ARNT: variants seen among roughly 807,000 people sequenced by gnomAD.
ARNT encodes the protein aryl hydrocarbon receptor nuclear translocator, also known as class E basic helix-loop-helix protein 2.
A neutral mutation model predicts 105.0 loss-of-function variants in ARNT; 30 were observed. The observed-to-expected ratio is 0.29, with a 90% CI of 0.21 to 0.39. The LOEUF (loss-of-function observed/expected upper bound fraction) is 0.39. Among genes scored for constraint, ARNT ranks in the 10% least tolerant of loss-of-function variants. The probability of loss-of-function intolerance (pLI) is 1.00; values close to 1 mark genes in which losing one functional copy is unlikely to be tolerated. For missense variants in ARNT, 748 were observed against 978.7 expected, an observed-to-expected ratio of 0.76 and a Z score of 3.15; for synonymous variants, 304 against 344.0, an observed-to-expected ratio of 0.88 and a Z score of 1.29.
chr1:150,819,040 C>G (rs1467469945), intron 14 of ARNT, among the ~76,000 whole-genome samples: 1 of 151,964 alleles, frequency 6.6e-6, no homozygotes, highest in Non-Finnish European at 1.5e-5. Flanking sequence ...AGTTAGTTAG[C>G]AAAGAATTAA....
At chr1:150,846,796 C>A (rs1324755851) in intron 3 of ARNT, among the ~76,000 whole-genome samples, 1 of 152,146 alleles carries the variant, frequency 6.6e-6, no homozygotes, top group Non-Finnish European at 1.5e-5. Flanking sequence ...CAACCCCTAG[C>A]AACCACCATT....
chr1:150,870,933 G>A (rs920076531), intron 1 of ARNT, among the ~76,000 whole-genome samples: 33 of 151,934 alleles, frequency 2.2e-4, no homozygotes, highest in Non-Finnish European at 4.1e-4. Flanking sequence ...CTGGGAGGCC[G>A]AGGCAGGAGG....
chr1:150,854,321 GC>G lies in ARNT; in HGVS notation c.138-1516del, dbSNP rs1005455600. Among the ~76,000 whole-genome samples, 72 of 152,136 alleles carry G rather than the reference GC, an allele frequency of 4.7e-4. 1 individual carries two copies. The highest frequency in any genetic ancestry group is 1.3e-4 in the Non-Finnish European group (9 of 68,038). ...ACCTGTAGTCCACGCACTTTGGGAG[GC>G]CAAGGCGAGCAGACTACTTGAACTC... is the stretch of plus-strand genomic sequence containing the variant. On this transcript the variant is annotated intron_variant, in intron 2 of 21. Coordinates refer to ENST00000358595, the MANE Select transcript of ARNT (RefSeq NM_001668.4).
intron 10 of ARNT, among the ~76,000 whole-genome samples, chr1:150,830,676 A>G (rs1430514091): frequency 1.3e-5 from 2 of 152,220 alleles, no homozygotes; most frequent in East Asian, 3.8e-4. Context: ...AAAGTTAGCA[A>G]GCAACCCAAA....
intron 1 of ARNT, chr1:150,861,253 T>C (rs1277661085): frequency 9.4e-6 from 4 of 426,444 alleles, no homozygotes; most frequent in Non-Finnish European, 1.8e-5. Flanking sequence ...GCACCTGTAG[T>C]CCCAGCTACT....
In ARNT at chr1:150,849,603, T is replaced by A. The variant is rs115308185; in HGVS notation, c.182+3159A>T. 8.4e-3 allele frequency among the ~76,000 whole-genome samples: 1,269 copies of A among 151,542 alleles called. 23 individuals carry two copies. The highest frequency in any genetic ancestry group is 0.03 in the African/African-American group (1,221 of 41,336). On this transcript the variant is annotated intron_variant, in intron 3 of 21. Coordinates refer to ENST00000358595, the MANE Select transcript of ARNT (RefSeq NM_001668.4). ...GAGTTTAAGACCAGCCTGGGCAACATCATTTTAAAATTAGCCAGGTATTAT... is the reference window on the plus strand; with the variant it reads ...GAGTTTAAGACCAGCCTGGGCAACAACATTTTAAAATTAGCCAGGTATTAT...
At chr1:150,822,410 G>A (rs933970347) in intron 14 of ARNT, among the ~76,000 whole-genome samples, 14 of 152,124 alleles carry the variant, frequency 9.2e-5, no homozygotes, top group Admixed American at 2.6e-4. Context: ...GAGGGGAGCC[G>A]GTACCTAAGG....
chr1:150,821,059 GC>G lies in ARNT; in HGVS notation c.1394+2134del, dbSNP rs1165995409. ...TTATGTACTGTATTCTTACAATAAA[GC>G]TAAAGAGAAAATGTTATTAAGAAAA... On this transcript the variant is annotated intron_variant, in intron 14 of 21. Coordinates refer to ENST00000358595, the MANE Select transcript of ARNT (RefSeq NM_001668.4). Among the ~76,000 whole-genome samples, 8 of 152,262 alleles carry G rather than the reference GC, an allele frequency of 5.3e-5. No individual in the cohort carries two copies. In the South Asian group the frequency reaches 1.7e-3, roughly 32 times the overall value.
chr1:150,828,627 C>A (rs1048603819), intron 12 of ARNT, among the ~76,000 whole-genome samples: 4 of 152,084 alleles, frequency 2.6e-5, no homozygotes, highest in Non-Finnish European at 5.9e-5. Flanking sequence ...ATAGCCACAG[C>A]CAGAAGTCCT....
At position 150,858,450 on chromosome 1, in the gene ARNT, T is replaced by C. The variant is rs141736918; in HGVS notation, c.36A>G (p.Ser12=). ...TGGCTGGACCCAGTGATGGTACATC[T>C]GATGTCATTTCTGTCAGGAAAATAA... ...AATTANPEMT[S]DVPSLGPAIA... Residue 12 remains serine, a synonymous_variant, in exon 2 of 22, where the codon TCA becomes TCG. Transcript: ENST00000358595. 1.1e-3 allele frequency: 1,808 copies of C among 1,604,362 alleles called. 8 individuals are homozygous for C. The highest frequency in any genetic ancestry group is 6.5e-3 in the South Asian group (585 of 89,392).
chr1:150,846,213 C>T lies in ARNT; in HGVS notation c.227+50G>A, dbSNP rs773979347. On this transcript the variant is annotated intron_variant, in intron 4 of 21. Coordinates refer to ENST00000358595, the MANE Select transcript of ARNT (RefSeq NM_001668.4). ...AATATGCTAGGACTGTCTGGTTCTA[C>T]AACATGGATCATATTATATATTACA... The T allele has an allele frequency of 4.6e-6, 7 of 1,516,784 alleles. No homozygotes were observed. The East Asian group carries it at 1.6e-4, about 35-fold the overall frequency. The allele number at this position is 1,516,784 out of a possible 1,614,324, so 94.0% of individuals were successfully genotyped here.
chr1:150,839,425 T>G lies in ARNT; in HGVS notation c.486+16A>C. ...CCCAGATTCCAGACTCTCTCAGAAC[T>G]ATAAGTCCCAGAGACCTGATCAGTG... On this transcript the variant is annotated intron_variant, in intron 6 of 21. Transcript: ENST00000358595. The G allele has an allele frequency of 6.2e-7, 1 of 1,613,852 alleles. No homozygotes were observed. The highest frequency in any genetic ancestry group is 1.3e-5 in the African/African-American group (1 of 75,036).
chr1:150,816,944 G>A (rs769405315), intron 17 of ARNT, 54 bp from the exon 18 acceptor site: 52 of 1,598,328 alleles, frequency 3.3e-5, no homozygotes, highest in Admixed American at 2.8e-4. Context: ...TAGTATATTA[G>A]TTCAGCAAGT....
intron 1 of ARNT, 144 bp downstream of exon 1, chr1:150,876,399 A>C: frequency 2.2e-6 from 3 of 1,336,452 alleles, no homozygotes; most frequent in Non-Finnish European, 9.9e-7. Context: ...TCCCCAGGTC[A>C]CCGCTCCCCC....
chr1:150,847,619 G>C (rs1025358508), intron 3 of ARNT, among the ~76,000 whole-genome samples: 2 of 152,064 alleles, frequency 1.3e-5, no homozygotes, highest in Middle Eastern at 3.2e-3. Flanking sequence ...CAGGGTTAGA[G>C]CTAATTCACG....
intron 1 of ARNT, among the ~76,000 whole-genome samples, chr1:150,867,027 G>A (rs984361086): frequency 1.3e-5 from 2 of 151,508 alleles, no homozygotes; most frequent in African/African-American, 2.4e-5. Context: ...CCAACATGGT[G>A]AAACCCCATC....
chr1:150,866,773 A>C (rs771524690), intron 1 of ARNT, among the ~76,000 whole-genome samples: 5 of 152,260 alleles, frequency 3.3e-5, no homozygotes, highest in African/African-American at 4.8e-5. Flanking sequence ...AAAAAATAAA[A>C]TCCAAACACT....
At chr1:150,834,417 T>C in intron 8 of ARNT, 121 bp downstream of exon 8, 1 of 902,520 alleles carries the variant, frequency 1.1e-6, no homozygotes, top group South Asian at 1.6e-5. Context: ...TTACAATCCA[T>C]CTGGGTATGG....
intron 1 of ARNT, among the ~76,000 whole-genome samples, chr1:150,876,283 T>C (rs1668239362): frequency 6.6e-6 from 1 of 152,130 alleles, no homozygotes; most frequent in African/African-American, 2.4e-5. Context: ...CCGCACTGGC[T>C]GCCGCTCCAA....
Sources: allele counts gnomAD v4.1 joint callset (sites outside exome capture counted in the v4.1 genomes callset), GRCh38; gene constraint gnomAD v4.1.1; transcripts MANE v1.5; gene names NCBI Gene and HGNC (gene_info 2026-07-23, HGNC 2026-07-21).